The following FAM216A variants were observed in gnomAD, a reference collection of about 807,000 sequenced individuals.
FAM216A encodes the protein family with sequence similarity 216 member A.
Under a neutral mutation model 37.6 loss-of-function variants are expected in FAM216A, and 26 were observed. The ratio of observed to expected loss-of-function variants is 0.69; its 90% CI spans 0.51 to 0.96. FAM216A has a LOEUF of 0.96. Ranked by LOEUF, FAM216A falls within the 40% of genes least tolerant of loss-of-function variation. The pLI is 0.00. For synonymous variants in FAM216A, 110 were observed against 121.7 expected, an observed-to-expected ratio of 0.90 and a Z score of 0.64; for missense variants, 326 against 339.3, an observed-to-expected ratio of 0.96 and a Z score of 0.31.
At chr12:110,483,767 G>T (rs904631127) in intron 2 of FAM216A, among the ~76,000 whole-genome samples, 4 of 152,152 alleles carry the variant, frequency 2.6e-5, no homozygotes, top group Non-Finnish European at 2.9e-5. Context: ...GCAGTGAGCT[G>T]AGATTGTGCC....
chr12:110,475,195 T>A (rs770849763), intron 2 of FAM216A, among the ~76,000 whole-genome samples: 12 of 152,222 alleles, frequency 7.9e-5, no homozygotes, highest in Non-Finnish European at 1.5e-4. Context: ...CATTCTATTA[T>A]TTAAAATAAA....
At chr12:110,468,436 A>C (rs371920163), upstream of FAM216A, 67 of 1,535,304 alleles carry the variant, frequency 4.4e-5, 1 homozygote, top group African/African-American at 8.8e-4. Flanking sequence ...TAGTTGATGG[A>C]AATCGGCCGT....
chr12:110,470,470 C>A (rs938520996), intron 1 of FAM216A, among the ~76,000 whole-genome samples: 2 of 145,532 alleles, frequency 1.4e-5, no homozygotes, highest in Non-Finnish European at 3.0e-5. Context: ...TCAGGAGATA[C>A]GTGAATTTTT....
At chr12:110,482,862 G>A (rs143726608) in intron 2 of FAM216A, among the ~76,000 whole-genome samples, 137 of 151,862 alleles carry the variant, frequency 9.0e-4, no homozygotes, top group African/African-American at 2.4e-3. Flanking sequence ...GACATGAGTG[G>A]ATCTCAAAAT....
intron 2 of FAM216A, among the ~76,000 whole-genome samples, chr12:110,479,885 G>A (rs560766205): frequency 2.8e-4 from 43 of 151,852 alleles, no homozygotes; most frequent in African/African-American, 9.6e-4. Flanking sequence ...AAAAAGCCTA[G>A]TAGTTAATTA....
intron 2 of FAM216A, among the ~76,000 whole-genome samples, chr12:110,475,105 G>T (rs879668173): frequency 5.3e-5 from 8 of 152,068 alleles, no homozygotes; most frequent in Non-Finnish European, 1.2e-4. Context: ...AATGTGTATT[G>T]CTGTTTATAA....
chr12:110,475,741 TG>T (rs990320465), intron 2 of FAM216A, among the ~76,000 whole-genome samples: 1 of 136,980 alleles, frequency 7.3e-6, no homozygotes, highest in African/African-American at 2.7e-5. Flanking sequence ...AAAAAAAAAG[TG>T]GGGGTATTTA....
At chr12:110,485,994 A>C (rs2062774696) in intron 3 of FAM216A, among the ~76,000 whole-genome samples, 1 of 152,218 alleles carries the variant, frequency 6.6e-6, no homozygotes, top group South Asian at 2.1e-4. Context: ...TACCTCAAAA[A>C]TCATTTTGAG....
At chr12:110,484,839 G>A (rs187563279) in intron 2 of FAM216A, among the ~76,000 whole-genome samples, 9 of 151,112 alleles carry the variant, frequency 6.0e-5, no homozygotes, top group East Asian at 1.9e-4. Context: ...TGCAAGCTCC[G>A]CCTCCCGGGT....
At chr12:110,487,773 T>C (rs2062785160) in intron 5 of FAM216A, 88 bp from the exon 6 acceptor site, 1 of 794,450 alleles carries the variant, frequency 1.3e-6, no homozygotes, top group African/African-American at 1.7e-5. Flanking sequence ...TGTTGGCAGC[T>C]AATAAAACAA....
intron 2 of FAM216A, among the ~76,000 whole-genome samples, chr12:110,483,791 G>A (rs2062761318): frequency 6.6e-6 from 1 of 152,028 alleles, no homozygotes; most frequent in Non-Finnish European, 1.5e-5. Context: ...ACTCTAGCCT[G>A]GGCAATAGAG....
rs191208584 is a variant in FAM216A at position 110,478,851 on chromosome 12, T to A, written c.184+5733T>A. On this transcript the variant is annotated intron_variant, in intron 2 of 6. Coordinates refer to ENST00000377673, the MANE Select transcript of FAM216A (RefSeq NM_013300.3). ...TTAAGCCGCTAAAGTTGTGTTGTTA[T>A]GGCAGCAAAATGAAACTAACATAGA... Among the ~76,000 whole-genome samples, 132 of 152,286 alleles carry A rather than the reference T, an allele frequency of 8.7e-4. 2 individuals are homozygous for A. The highest frequency in any genetic ancestry group is 8.5e-3 in the Admixed American group (130 of 15,274).
At chr12:110,469,354 T>A (rs1028462255) in intron 1 of FAM216A, 1 of 269,152 alleles carries the variant, frequency 3.7e-6, no homozygotes, top group Non-Finnish European at 7.0e-6. Context: ...GGCACAGGAC[T>A]GTGTGTCCAC....
chr12:110,483,116 G>A (rs547658628), intron 2 of FAM216A, among the ~76,000 whole-genome samples: 15 of 151,704 alleles, frequency 9.9e-5, no homozygotes, highest in African/African-American at 3.6e-4. Context: ...ACGAGGTCAG[G>A]AGATCAAGAC....
intron 2 of FAM216A, among the ~76,000 whole-genome samples, chr12:110,484,426 C>CAAAAAAA (rs61648841): frequency 5.9e-5 from 3 of 51,274 alleles, no homozygotes; most frequent in Non-Finnish European, 1.0e-4. Flanking sequence ...GACTCCGTCT[C>CAAAAAAA]AAAAAAAAAA....
At chr12:110,474,907 G>C (rs911795712) in intron 2 of FAM216A, among the ~76,000 whole-genome samples, 1 of 151,476 alleles carries the variant, frequency 6.6e-6, no homozygotes, top group African/African-American at 2.4e-5. Context: ...CAGGAGAATC[G>C]CTTGAACCTG....
At chr12:110,476,844 A>C (rs1449314172) in intron 2 of FAM216A, among the ~76,000 whole-genome samples, 2 of 151,884 alleles carry the variant, frequency 1.3e-5, no homozygotes, top group African/African-American at 4.8e-5. Flanking sequence ...ATATTTTTGA[A>C]GAATACAGGC....
rs138122339 is a variant in FAM216A at position 110,477,865 on chromosome 12, G to A, written c.184+4747G>A. On this transcript the variant is annotated intron_variant, in intron 2 of 6. Transcript: ENST00000377673. ...TGGGACCACAGGTGCCTGCCACCAT[G>A]CCCGGCTAATTTTTTGTATTTTTAG... Among the ~76,000 whole-genome samples, 830 of 151,932 alleles carry A rather than the reference G, an allele frequency of 5.5e-3. 7 individuals are homozygous for A. The highest frequency in any genetic ancestry group is 7.0e-3 in the Non-Finnish European group (476 of 67,966).
At chr12:110,488,135 C>T (rs571249811) in intron 6 of FAM216A, among the ~76,000 whole-genome samples, 192 bp downstream of exon 6, 11 of 152,190 alleles carry the variant, frequency 7.2e-5, no homozygotes, top group South Asian at 2.1e-4. Flanking sequence ...CTGGGCCAGG[C>T]GCCACGGCTC....
Sources: gnomAD v4.1 joint callset for allele counts (sites outside exome capture counted in the v4.1 genomes callset) on GRCh38, gnomAD v4.1.1 for gene constraint, MANE v1.5 for transcripts, NCBI Gene and HGNC (gene_info 2026-07-23, HGNC 2026-07-21) for gene names.